The following PRKCH variants were observed in gnomAD, a reference collection of about 807,000 sequenced individuals.
PRKCH encodes protein kinase C eta type.
PRKCH carries 28 observed loss-of-function variants against 82.5 expected under a neutral mutation model. The ratio of observed to expected loss-of-function variants is 0.34; its 90% confidence interval spans 0.25 to 0.47. The LOEUF is 0.47. Among genes scored for constraint, PRKCH ranks in the 20% least tolerant of loss-of-function variants. The probability of loss-of-function intolerance (pLI) is 1.00; values close to 1 mark genes in which losing one functional copy is unlikely to be tolerated. For synonymous variants in PRKCH, 322 were observed against 327.4 expected (o/e 0.98, Z 0.18); for missense variants, 705 against 881.8 (o/e 0.80, Z 2.54).
At chr14:61,488,226 G>A (rs1886315208) in intron 10 of PRKCH, among the ~76,000 whole-genome samples, 1 of 152,172 alleles carries the variant, frequency 6.6e-6, no homozygotes, top group African/African-American at 2.4e-5. Flanking sequence ...GGGAGGCTGA[G>A]GTGGGAGAAT....
chr14:61,202,199 T>C (rs984912905), intron 1 of PRKCH, among the ~76,000 whole-genome samples: 1 of 152,196 alleles, frequency 6.6e-6, no homozygotes, highest in Admixed American at 6.5e-5. Context: ...CTTTTGTACC[T>C]ATCTGAATGC....
chr14:61,481,745 C>T (rs1885982660), intron 9 of PRKCH, among the ~76,000 whole-genome samples: 1 of 152,220 alleles, frequency 6.6e-6, no homozygotes, highest in Non-Finnish European at 1.5e-5. Context: ...TTTATCCTTT[C>T]TATGCATCTG....
At chr14:61,456,090 T>G (rs973704220) in intron 7 of PRKCH, among the ~76,000 whole-genome samples, 1 of 152,242 alleles carries the variant, frequency 6.6e-6, no homozygotes, top group Non-Finnish European at 1.5e-5. Flanking sequence ...CAATACAGCT[T>G]AAGTTTATTG....
chr14:61,201,021 A>G (rs574971896), intron 1 of PRKCH, among the ~76,000 whole-genome samples: 3 of 152,302 alleles, frequency 2.0e-5, no homozygotes, highest in East Asian at 1.9e-4. Flanking sequence ...TGGTTTAAAC[A>G]TGAAGCAAAC....
At chr14:61,322,602 T>C (rs2045642620) in intron 1 of PRKCH, 138 bp downstream of exon 1, 1 of 1,261,928 alleles carries the variant, frequency 7.9e-7, no homozygotes, top group Non-Finnish European at 1.1e-6. Context: ...TTCGTCCACG[T>C]GGCCGCGGCA....
At chr14:61,367,582 C>T (rs1282728721) in intron 1 of PRKCH, among the ~76,000 whole-genome samples, 1 of 151,944 alleles carries the variant, frequency 6.6e-6, no homozygotes, top group Non-Finnish European at 1.5e-5. Context: ...ACTCTGGCCT[C>T]TGTTGGACGT....
intron 10 of PRKCH, among the ~76,000 whole-genome samples, chr14:61,508,552 G>A (rs1469828475): frequency 6.6e-6 from 1 of 152,116 alleles, no homozygotes; most frequent in Non-Finnish European, 1.5e-5. Context: ...GCTTCCTTTT[G>A]TATGTTCTGG....
rs754231961 is a variant in PRKCH at position 61,530,563 on chromosome 14, C to G, written c.1729C>G (p.Leu577Val). Residue 577 changes from leucine to valine, a missense_variant, in exon 12 of 14, where the codon CTC becomes GTC. Leu to Val is a conservative substitution (Grantham distance 32). Transcript: ENST00000332981. ...TGATGAGGTGGTCTACCCTACCTGGCTCCATGAAGATGCCACAGGGATCCT... is the reference window on the plus strand; with the variant it reads ...TGATGAGGTGGTCTACCCTACCTGGGTCCATGAAGATGCCACAGGGATCCT... Reference protein sequence around the residue: ...LNDEVVYPTWLHEDATGILKS... With the variant: ...LNDEVVYPTWVHEDATGILKS... The G allele has an allele frequency of 8.1e-6, 13 of 1,605,568 alleles. No homozygotes were observed. Among genetic ancestry groups the G allele is most frequent in the Non-Finnish European group, 9.4e-6 (11 of 1,175,676 alleles).
At chr14:61,435,546 A>G (rs1883634836) in intron 2 of PRKCH, among the ~76,000 whole-genome samples, 2 of 152,220 alleles carry the variant, frequency 1.3e-5, no homozygotes, top group South Asian at 2.1e-4. Context: ...TTTATTAGCT[A>G]GAAGCCGGAG....
intron 2 of PRKCH, among the ~76,000 whole-genome samples, chr14:61,433,027 C>T (rs1413576417): frequency 7.8e-6 from 1 of 128,816 alleles, no homozygotes; most frequent in African/African-American, 3.2e-5. Context: ...TCCCTCCCCT[C>T]ACCCCCCAAC....
At chr14:61,416,822 AC>A (rs1321084575) in intron 2 of PRKCH, among the ~76,000 whole-genome samples, 1 of 151,924 alleles carries the variant, frequency 6.6e-6, no homozygotes, top group East Asian at 1.9e-4. Flanking sequence ...TAAGGCCAAC[AC>A]CCCTTTCCTT....
At chr14:61,279,949 T>A in intron 1 of PRKCH, 1 of 691,118 alleles carries the variant, frequency 1.4e-6, no homozygotes, top group Non-Finnish European at 2.4e-6. Flanking sequence ...GCAAGGGGGG[T>A]AATTCCCTTA....
chr14:61,317,395 C>G (rs140433250), upstream of PRKCH, among the ~76,000 whole-genome samples: 67 of 152,314 alleles, frequency 4.4e-4, no homozygotes, highest in African/African-American at 1.6e-3. Flanking sequence ...TGAAAGATTA[C>G]TAAGGACCTG....
At chr14:61,383,597 A>T (rs1249123774) in intron 1 of PRKCH, among the ~76,000 whole-genome samples, 1 of 151,934 alleles carries the variant, frequency 6.6e-6, no homozygotes, top group African/African-American at 2.4e-5. Context: ...GTGCTCGGTA[A>T]CCCATCCAAC....
At chr14:61,312,196 C>T (rs1383698920) in intron 1 of PRKCH, among the ~76,000 whole-genome samples, 2 of 152,182 alleles carry the variant, frequency 1.3e-5, no homozygotes, top group South Asian at 2.1e-4. Flanking sequence ...ACTTGTCCAG[C>T]ATTTTGAATA....
chr14:61,474,324 C>A (rs1885633574), intron 9 of PRKCH, among the ~76,000 whole-genome samples: 1 of 152,172 alleles, frequency 6.6e-6, no homozygotes, highest in South Asian at 2.1e-4. Context: ...CCATATAAAC[C>A]TTTTAAGCTG....
intron 2 of PRKCH, among the ~76,000 whole-genome samples, chr14:61,433,369 G>GA (rs780500691): frequency 3.5e-4 from 53 of 150,990 alleles, no homozygotes; most frequent in East Asian, 7.7e-4. Context: ...GGATAAGAGA[G>GA]AAAAAAAAAT....
intron 1 of PRKCH, among the ~76,000 whole-genome samples, chr14:61,265,865 T>C (rs1256253795): frequency 6.6e-6 from 1 of 151,806 alleles, no homozygotes; most frequent in Non-Finnish European, 1.5e-5. Context: ...AAGGATGAGG[T>C]AGGAGGATCA....
chr14:61,452,278 G>A (rs7151436), intron 6 of PRKCH, among the ~76,000 whole-genome samples: 5 of 152,044 alleles, frequency 3.3e-5, no homozygotes, highest in Non-Finnish European at 7.4e-5. Flanking sequence ...CTCTCTCAAG[G>A]GCACCTTCCA....
Sources: allele counts gnomAD v4.1 joint callset (sites outside exome capture counted in the v4.1 genomes callset), GRCh38; gene constraint gnomAD v4.1.1; transcripts MANE v1.5; gene names NCBI Gene and HGNC (gene_info 2026-07-23, HGNC 2026-07-21).